The following RUNDC1 variants were observed in gnomAD, a reference collection of about 807,000 sequenced individuals.
RUNDC1 encodes RUN domain containing 1.
Under a neutral mutation model 49.3 loss-of-function variants are expected in RUNDC1, and 31 were observed. The ratio of observed to expected loss-of-function variants is 0.63; its 90% confidence interval spans 0.47 to 0.85. The LOEUF (loss-of-function observed/expected upper bound fraction) is 0.85, where lower values mean the gene tolerates loss of function less well. Among genes scored for constraint, RUNDC1 ranks in the 40% least tolerant of loss-of-function variants. The pLI is 0.00. For missense variants in RUNDC1, 715 were observed against 806.7 expected, an observed-to-expected ratio of 0.89 and a Z score of 1.38; for synonymous variants, 347 against 348.6, an observed-to-expected ratio of 1.00 and a Z score of 0.05.
chr17:42,980,775 G>A lies in RUNDC1; in HGVS notation c.199G>A (p.Ala67Thr), dbSNP rs1381929739. The A allele has an allele frequency of 1.4e-5, 20 of 1,439,964 alleles. No individual in the cohort carries two copies. Among genetic ancestry groups the A allele is most frequent in the Non-Finnish European group, 1.5e-5 (17 of 1,106,152 alleles). The allele number at this position is 1,439,964 out of a possible 1,614,324, so 89.2% of individuals were successfully genotyped here. The change falls in exon 1 of 5, where the codon GCG becomes ACG. Residue 67 changes from alanine to threonine, a missense_variant. Physicochemically the swap from Ala to Thr is moderately conservative, Grantham distance 58. Around this residue, in one of 5 missense-constraint regions of RUNDC1, gnomAD observed 153 missense variants for 139.4 expected, o/e 1.10. Transcript: ENST00000361677. The part of the protein sequence containing the change: ...LEEATAEEPG[A>T]APGSPPDSPG... ...AGAGGCGACGGCCGAGGAGCCTGGC[G>A]CGGCCCCGGGCTCCCCGCCGGATTC...
chr17:42,988,905 A>T (rs1325401885), intron 2 of RUNDC1, among the ~76,000 whole-genome samples: 1 of 152,076 alleles, frequency 6.6e-6, no homozygotes, highest in Non-Finnish European at 1.5e-5. Context: ...TGAGCACAGG[A>T]GTTTGAGGTT....
At chr17:42,985,965 T>C (rs1417620732) in intron 1 of RUNDC1, among the ~76,000 whole-genome samples, 4 of 152,208 alleles carry the variant, frequency 2.6e-5, no homozygotes, top group African/African-American at 9.7e-5. Context: ...TGGTTTTTTT[T>C]CACTGGCCTA....
Position 42,987,373 on chromosome 17 carries a change from T to TA in RUNDC1, c.617dup (p.Tyr206Ter), listed in dbSNP as rs2050185223. The TA allele has an allele frequency of 4.3e-6, 7 of 1,614,146 alleles. No individual in the cohort carries two copies. Among genetic ancestry groups the TA allele is most frequent in the Non-Finnish European group, 5.9e-6 (7 of 1,180,010 alleles). Reference protein sequence around the residue: ...LETFAYQEGSYDSLPQSVVLE... With the variant: ...LETFAYQEGS ...AACGTTTGCCTATCAAGAGGGCAGT[T>TA]ATGACTCGCTGCCACAGTCCGTGGT... is the stretch of plus-strand genomic sequence containing the variant. The change falls in exon 2 of 5, where the codon TAT (tyrosine) becomes TAAT (stop). Residue 206 changes from tyrosine to a stop codon, truncating the protein, a stop_gained and frameshift_variant. Transcript: ENST00000361677. LOFTEE classifies it high-confidence loss of function.
Position 42,992,700 on chromosome 17 carries a change from C to T in RUNDC1, c.*984C>T, listed in dbSNP as rs1209684587. 6.6e-6 allele frequency: 1 copy of T among 151,754 alleles called. No homozygotes were observed. Among genetic ancestry groups the T allele is most frequent in the Non-Finnish European group, 1.5e-5 (1 of 67,976 alleles). 9.4% of individuals were successfully genotyped at this position (151,754 alleles called of 1,614,324 possible). On this transcript the variant is annotated 3_prime_UTR_variant, in exon 5 of 5. Transcript: ENST00000361677. ...TCCTTTTATGAATAGATTTCCCTTT[C>T]TTCCTGACCCCAAGGTCAGAGGAGA...
At chr17:42,981,204 G>C in intron 1 of RUNDC1, 130 bp downstream of exon 1, 1 of 1,233,552 alleles carries the variant, frequency 8.1e-7, no homozygotes, top group Non-Finnish European at 1.1e-6. Context: ...GTGTGTCGGA[G>C]ACCAGGGGAC....
At chr17:42,986,470 T>C (rs2050172759) in intron 1 of RUNDC1, among the ~76,000 whole-genome samples, 1 of 152,078 alleles carries the variant, frequency 6.6e-6, no homozygotes, top group African/African-American at 2.4e-5. Flanking sequence ...AAAGGGACTT[T>C]GGTGAACCTT....
chr17:42,990,913 G>T lies in RUNDC1; in HGVS notation c.1039G>T (p.Ala347Ser), dbSNP rs1351915551. Residue 347 changes from alanine (A) to serine (S), a missense_variant, in exon 5 of 5, where the codon GCC (alanine) becomes TCC (serine). Physicochemically the swap from Ala to Ser is moderately conservative, Grantham distance 99. Transcript: ENST00000361677. ...GCTGCACCTGATGCGGCGAGCGCTG[G>T]CCGTGCTCCAGATCTTTGCTGTTAG... ...TGLHLMRRALAVLQIFAVSQF... is the reference protein window; with the variant it reads ...TGLHLMRRALSVLQIFAVSQF... The T allele has an allele frequency of 2.4e-5, 39 of 1,611,464 alleles. No individual in the cohort carries two copies. Among genetic ancestry groups the T allele is most frequent in the Non-Finnish European group, 3.1e-5 (37 of 1,178,108 alleles).
intron 1 of RUNDC1, among the ~76,000 whole-genome samples, chr17:42,983,877 G>A (rs1293866487): frequency 2.0e-5 from 3 of 151,752 alleles, no homozygotes; most frequent in Admixed American, 6.6e-5. Context: ...TTGCCATGTC[G>A]GCCAGGCTGG....
chr17:42,987,573 T>G lies in RUNDC1; in HGVS notation c.657+159T>G, dbSNP rs147412469. Among the ~76,000 whole-genome samples the G allele has an allele frequency of 9.8e-5, 15 of 152,312 alleles. No homozygotes were observed. In the East Asian group the frequency reaches 2.9e-3, roughly 29 times the overall value. On this transcript the variant is annotated intron_variant, in intron 2 of 4. Coordinates refer to ENST00000361677, the MANE Select transcript of RUNDC1 (RefSeq NM_173079.5). ...GGAAATTTTACTGCTATGAGGAACCTTTCTTTGCTCACACATGGAAAACAC... is the reference window on the plus strand; with the variant it reads ...GGAAATTTTACTGCTATGAGGAACCGTTCTTTGCTCACACATGGAAAACAC...
rs2050242604 is a variant in RUNDC1 at position 42,991,505 on chromosome 17, T to C, written c.1631T>C (p.Met544Thr). ...ADSELKALVC[M>T]ALNEQRLVSW... is the part of the protein sequence containing the mutation. ...TCAGAATTGAAGGCCTTGGTGTGCATGGCACTGAATGAGCAGCGTCTGGTG... is the reference window on the plus strand; with the variant it reads ...TCAGAATTGAAGGCCTTGGTGTGCACGGCACTGAATGAGCAGCGTCTGGTG... Residue 544 changes from methionine (M) to threonine (T), a missense_variant, in exon 5 of 5, where the codon ATG (methionine) becomes ACG (threonine). Met to Thr is a moderately conservative substitution (Grantham distance 81). This residue lies in a region of RUNDC1 where 425 missense variants were observed against 499.7 expected (regional missense o/e 0.85). Coordinates refer to ENST00000361677, the MANE Select transcript of RUNDC1 (RefSeq NM_173079.5). 6.2e-7 allele frequency: 1 copy of C among 1,614,042 alleles called. No homozygotes were observed. Among genetic ancestry groups the C allele is most frequent in the Non-Finnish European group, 8.5e-7 (1 of 1,180,032 alleles).
Position 42,992,414 on chromosome 17 carries a change from C to G in RUNDC1, c.*698C>G, listed in dbSNP as rs1213554022. ...TGAAACCCCATCTCTACTAAAAATA[C>G]AAAAATTAGCTAGGCGGGGTAGTGC... On this transcript the variant is annotated 3_prime_UTR_variant, in exon 5 of 5. Coordinates refer to ENST00000361677, the MANE Select transcript of RUNDC1 (RefSeq NM_173079.5). The G allele has an allele frequency of 6.6e-6, 1 of 151,474 alleles. No homozygotes were observed. Among genetic ancestry groups the G allele is most frequent in the South Asian group, 2.1e-4 (1 of 4,774 alleles). 9.4% of individuals were successfully genotyped at this position (151,474 alleles called of 1,614,324 possible).
intron 2 of RUNDC1, 104 bp from the exon 3 acceptor site, chr17:42,989,237 G>A (rs888854099): frequency 3.6e-6 from 3 of 832,016 alleles, no homozygotes; most frequent in East Asian, 2.6e-5. Context: ...TTAGAGGTCT[G>A]TTTTTTATTT....
In RUNDC1 at chr17:42,993,524, CAA is replaced by C. The variant is rs1432990277; in HGVS notation, c.*1809_*1810del. On this transcript the variant is annotated 3_prime_UTR_variant, in exon 5 of 5. Coordinates refer to ENST00000361677, the MANE Select transcript of RUNDC1 (RefSeq NM_173079.5). ...TAATTAGTTCACCTTCCCTGTGAAA[CAA>C]GAGAATTGTAAAATGTTGTGGAAAA... The C allele has an allele frequency of 2.0e-5, 3 of 152,132 alleles. No homozygotes were observed. In the South Asian group the frequency reaches 6.2e-4, roughly 32 times the overall value. 9.4% of individuals were successfully genotyped at this position (152,132 alleles called of 1,614,324 possible).
intron 2 of RUNDC1, 124 bp from the exon 3 acceptor site, chr17:42,989,217 T>G: frequency 1.4e-6 from 1 of 690,400 alleles, no homozygotes; most frequent in Non-Finnish European, 2.5e-6. Context: ...AGTCATTTAC[T>G]TTCACAAATT....
At chr17:42,986,112 G>T (rs1409352498) in intron 1 of RUNDC1, among the ~76,000 whole-genome samples, 2 of 151,864 alleles carry the variant, frequency 1.3e-5, no homozygotes, top group Non-Finnish European at 2.9e-5. Context: ...CCATCATCTT[G>T]TCCCAGCCTC....
At chr17:42,988,018 C>G (rs1359840429) in intron 2 of RUNDC1, among the ~76,000 whole-genome samples, 14 of 152,180 alleles carry the variant, frequency 9.2e-5, no homozygotes, top group Admixed American at 9.2e-4. Flanking sequence ...TCCCAAAGTG[C>G]TGGGATTACA....
chr17:42,981,247 C>A, intron 1 of RUNDC1, 173 bp downstream of exon 1: 1 of 825,144 alleles, frequency 1.2e-6, no homozygotes, highest in Non-Finnish European at 1.8e-6. Flanking sequence ...GGCAAGAGGA[C>A]AGAGGCCTGG....
chr17:42,984,517 G>A (rs1433106468), intron 1 of RUNDC1, among the ~76,000 whole-genome samples: 1 of 152,152 alleles, frequency 6.6e-6, no homozygotes, highest in Non-Finnish European at 1.5e-5. Flanking sequence ...CTGACCTCAA[G>A]TGATCCACCC....
chr17:42,992,583 A>AG lies in RUNDC1; in HGVS notation c.*867_*868insG. 6.6e-6 allele frequency: 1 copy of AG among 151,976 alleles called. No homozygotes were observed. The highest frequency in any genetic ancestry group is 1.9e-4 in the East Asian group (1 of 5,180). The allele number at this position is 151,976 out of a possible 1,614,324, so 9.4% of individuals were successfully genotyped here. Reference sequence around the variant, plus strand: ...GACTCCATCTCAAAAAAAAAAAAAAAAAAAAAAAGACATTCAACTTGAGGC... The same window carrying AG: ...GACTCCATCTCAAAAAAAAAAAAAAAGAAAAAAAAGACATTCAACTTGAGGC... On this transcript the variant is annotated 3_prime_UTR_variant, in exon 5 of 5. Coordinates refer to ENST00000361677, the MANE Select transcript of RUNDC1 (RefSeq NM_173079.5).
Sources: allele counts gnomAD v4.1 joint callset (sites outside exome capture counted in the v4.1 genomes callset), GRCh38; gene constraint gnomAD v4.1.1; regional missense constraint gnomAD v4.1.1; transcripts MANE v1.5; gene names NCBI Gene and HGNC (gene_info 2026-07-23, HGNC 2026-07-21).